Variants in CPXM2 observed in about 807,000 individuals in gnomAD.
The protein encoded by CPXM2 is carboxypeptidase X, M14 family member 2.
Under a neutral mutation model 86.1 loss-of-function variants are expected in CPXM2, and 66 were observed. That is an observed-to-expected ratio of 0.77 (90% CI 0.63 to 0.94). The LOEUF (loss-of-function observed/expected upper bound fraction) is 0.94, where lower values mean the gene tolerates loss of function less well. CPXM2 is among the 40% of genes least tolerant of loss of function. The probability of loss-of-function intolerance (pLI) is 0.00; values close to 1 mark genes in which losing one functional copy is unlikely to be tolerated. For synonymous variants in CPXM2, 388 were observed against 400.2 expected, an observed-to-expected ratio of 0.97 and a Z score of 0.36; for missense variants, 948 against 1,026.3, an observed-to-expected ratio of 0.92 and a Z score of 1.04.
intron 4 of CPXM2, 97 bp from the exon 5 acceptor site, chr10:123,799,296 G>C: frequency 1.4e-6 from 2 of 1,440,750 alleles, no homozygotes; most frequent in East Asian, 2.3e-5. Context: ...GCCAGAGGCA[G>C]ATGGCACTGG....
At chr10:123,898,440 G>A (rs1945355478) in intron 2 of CPXM2, among the ~76,000 whole-genome samples, 2 of 151,988 alleles carry the variant, frequency 1.3e-5, no homozygotes, top group African/African-American at 4.8e-5. Flanking sequence ...ACTCCAGCCT[G>A]AGCAGCACAG....
intron 1 of CPXM2, among the ~76,000 whole-genome samples, chr10:123,886,235 G>C (rs898915837): frequency 6.6e-6 from 1 of 152,092 alleles, no homozygotes; most frequent in Non-Finnish European, 1.5e-5. Flanking sequence ...CATTGTGATT[G>C]CTTTTTAAAG....
intron 13 of CPXM2, chr10:123,751,503 A>G (rs1846076358): frequency 1.0e-6 from 1 of 985,180 alleles, no homozygotes; most frequent in South Asian, 4.7e-5. Flanking sequence ...ATACGTGGGC[A>G]GAAGGGGCAA....
chr10:123,863,493 GC>G (rs1321374865), intron 2 of CPXM2, among the ~76,000 whole-genome samples: 2 of 152,170 alleles, frequency 1.3e-5, no homozygotes, highest in African/African-American at 2.4e-5. Flanking sequence ...TGGCTACCAT[GC>G]CCCCTTCCTT....
intron 2 of CPXM2, among the ~76,000 whole-genome samples, chr10:123,929,043 G>C (rs1945645675): frequency 1.3e-5 from 2 of 152,214 alleles, no homozygotes; most frequent in Admixed American, 1.3e-4. Context: ...CTCCTAGGCA[G>C]GAGTCCAGGA....
At chr10:123,766,574 CACCACATGTAGTAA>C (rs1846477086) in intron 10 of CPXM2, among the ~76,000 whole-genome samples, 1 of 152,126 alleles carries the variant, frequency 6.6e-6, no homozygotes. Flanking sequence ...TCCAAAGAAA[CACCACATGTAGTAA>C]ACCCAAGGGG....
intron 1 of CPXM2, among the ~76,000 whole-genome samples, chr10:123,880,643 C>A (rs545877978): frequency 2.8e-4 from 43 of 152,026 alleles, no homozygotes; most frequent in Admixed American, 1.3e-3. Context: ...TCCTGGCTAA[C>A]ACGGTGAAAC....
At chr10:123,907,756 C>A (rs983409946) in intron 2 of CPXM2, among the ~76,000 whole-genome samples, 20 of 134,334 alleles carry the variant, frequency 1.5e-4, no homozygotes, top group Admixed American at 1.3e-3. Context: ...AGGGACTGGA[C>A]CCCGCAAGGC....
At chr10:123,829,375 A>ATT (rs61384081) in intron 4 of CPXM2, among the ~76,000 whole-genome samples, 12,597 of 148,178 alleles carry the variant, frequency 0.085, 589 homozygotes, top group Middle Eastern at 0.2. Flanking sequence ...TGGAAAAAAA[A>ATT]TTTTTTTTTT....
At chr10:123,847,047 C>T (rs1848509036) in intron 3 of CPXM2, among the ~76,000 whole-genome samples, 2 of 151,910 alleles carry the variant, frequency 1.3e-5, no homozygotes, top group South Asian at 4.1e-4. Context: ...AATTTTCAGT[C>T]ATAATAATGA....
intron 2 of CPXM2, among the ~76,000 whole-genome samples, chr10:123,930,204 G>A (rs76962653): frequency 8.1e-5 from 2 of 24,796 alleles, no homozygotes; most frequent in Non-Finnish European, 1.3e-4. Context: ...CTGAGTACAC[G>A]TGGGCCCTGT....
At position 123,829,719 on chromosome 10, in the gene CPXM2, G is replaced by A. The variant is rs543932981; in HGVS notation, c.653+12630C>T. Among the ~76,000 whole-genome samples, 60 of 152,252 alleles carry A rather than the reference G, an allele frequency of 3.9e-4. 1 individual carries two copies. The highest frequency in any genetic ancestry group is 3.4e-3 in the Middle Eastern group (1 of 294). On this transcript the variant is annotated intron_variant, in intron 4 of 13. Transcript: ENST00000241305. Reference sequence around the variant, plus strand: ...TAGCAAGAATAGCCAGAAAAAGTCTGAAAAGATTAATAAGGAGAAAGAACT... The same window carrying A: ...TAGCAAGAATAGCCAGAAAAAGTCTAAAAAGATTAATAAGGAGAAAGAACT...
intron 1 of CPXM2, among the ~76,000 whole-genome samples, chr10:123,882,171 T>G (rs1425747621): frequency 2.0e-5 from 3 of 152,250 alleles, no homozygotes; most frequent in Non-Finnish European, 4.4e-5. Context: ...GAAACCCCCC[T>G]TTTTGTTATA....
At chr10:123,857,915 T>A (rs1848772608) in intron 3 of CPXM2, among the ~76,000 whole-genome samples, 1 of 151,862 alleles carries the variant, frequency 6.6e-6, no homozygotes, top group Non-Finnish European at 1.5e-5. Flanking sequence ...GGTCAGGTGC[T>A]GATACTTGGT....
intron 11 of CPXM2, among the ~76,000 whole-genome samples, chr10:123,759,019 G>A (rs1040638601): frequency 6.6e-6 from 1 of 152,122 alleles, no homozygotes; most frequent in Admixed American, 6.5e-5. Context: ...CCCAATTCCA[G>A]ATTCGAACCT....
At chr10:123,760,541 C>CA (rs1846308498) in intron 11 of CPXM2, among the ~76,000 whole-genome samples, 1 of 152,106 alleles carries the variant, frequency 6.6e-6, no homozygotes, top group Non-Finnish European at 1.5e-5. Flanking sequence ...GAACATACTT[C>CA]AAAAGTATGT....
At chr10:123,768,018 C>T (rs1846524740) in intron 9 of CPXM2, among the ~76,000 whole-genome samples, 1 of 152,230 alleles carries the variant, frequency 6.6e-6, no homozygotes, top group Non-Finnish European at 1.5e-5. Context: ...CTCAAGGCCA[C>T]CATCATTCTC....
intron 13 of CPXM2, among the ~76,000 whole-genome samples, chr10:123,748,158 C>G (rs61370417): frequency 0.049 from 7,382 of 152,118 alleles, 194 homozygotes; most frequent in Middle Eastern, 0.14. Flanking sequence ...CCCTTTTCTA[C>G]GTGAGTAATT....
At chr10:123,824,966 C>T (rs1007303466) in intron 4 of CPXM2, among the ~76,000 whole-genome samples, 1 of 152,224 alleles carries the variant, frequency 6.6e-6, no homozygotes, top group African/African-American at 2.4e-5. Context: ...CTGGAGGAAT[C>T]ATGTCTTTTC....
Sources: gnomAD v4.1 joint callset for allele counts (sites outside exome capture counted in the v4.1 genomes callset) on GRCh38, gnomAD v4.1.1 for gene constraint, MANE v1.5 for transcripts, NCBI Gene and HGNC (gene_info 2026-07-23, HGNC 2026-07-21) for gene names.